Variants in UCK2 observed in about 807,000 individuals in gnomAD.
UCK2 encodes cytidine monophosphokinase 2.
UCK2 carries 6 observed loss-of-function variants against 30.8 expected under a neutral mutation model. The ratio of observed to expected loss-of-function variants is 0.19; its 90% CI spans 0.11 to 0.38. The LOEUF (loss-of-function observed/expected upper bound fraction) is 0.38. Ranked by LOEUF, UCK2 falls within the 10% of genes least tolerant of loss-of-function variation. The pLI is 1.00. For synonymous variants in UCK2, 125 were observed against 133.6 expected, an observed-to-expected ratio of 0.94 and a Z score of 0.45; for missense variants, 210 against 339.8, an observed-to-expected ratio of 0.62 and a Z score of 3.00.
At chr1:165,832,522 G>A (rs916246869) in intron 1 of UCK2, among the ~76,000 whole-genome samples, 1 of 152,200 alleles carries the variant, frequency 6.6e-6, no homozygotes, top group Non-Finnish European at 1.5e-5. Context: ...TCAGGCATGT[G>A]TCTTCCCTAC....
intron 1 of UCK2, among the ~76,000 whole-genome samples, chr1:165,840,756 G>A (rs1013487231): frequency 6.6e-6 from 1 of 152,156 alleles, no homozygotes; most frequent in Non-Finnish European, 1.5e-5. Flanking sequence ...ATCCTTTCCT[G>A]TAGTTAAGTT....
intron 1 of UCK2, among the ~76,000 whole-genome samples, chr1:165,836,169 A>G (rs951210595): frequency 2.6e-5 from 4 of 152,104 alleles, no homozygotes; most frequent in Admixed American, 6.6e-5. Context: ...CAGAGGTTGC[A>G]GTGAGCTGAG....
At chr1:165,846,399 A>G (rs917478188) in intron 1 of UCK2, among the ~76,000 whole-genome samples, 1 of 152,186 alleles carries the variant, frequency 6.6e-6, no homozygotes, top group African/African-American at 2.4e-5. Context: ...GTCTTTTCCT[A>G]GTTTCTATAA....
intron 1 of UCK2, among the ~76,000 whole-genome samples, chr1:165,873,557 C>T (rs1655255555): frequency 6.6e-6 from 1 of 152,074 alleles, no homozygotes; most frequent in African/African-American, 2.4e-5. Flanking sequence ...TCTTCCTGAC[C>T]TTCTCTTTTT....
At chr1:165,857,878 C>G (rs1654791149) in intron 1 of UCK2, among the ~76,000 whole-genome samples, 1 of 152,054 alleles carries the variant, frequency 6.6e-6, no homozygotes, top group Non-Finnish European at 1.5e-5. Flanking sequence ...TTTACTGCAC[C>G]CCATAAAAGG....
chr1:165,842,258 T>G (rs940998876), intron 1 of UCK2, among the ~76,000 whole-genome samples: 1 of 152,168 alleles, frequency 6.6e-6, no homozygotes, highest in Non-Finnish European at 1.5e-5. Flanking sequence ...CCCTGTTTTT[T>G]CCCCCTCCAT....
chr1:165,830,576 C>G (rs947110902), intron 1 of UCK2, among the ~76,000 whole-genome samples: 3 of 151,878 alleles, frequency 2.0e-5, no homozygotes, highest in African/African-American at 7.3e-5. Flanking sequence ...CCGCCCGCCT[C>G]GGCCTCCCAA....
chr1:165,851,424 C>T (rs1654592879), intron 1 of UCK2, among the ~76,000 whole-genome samples: 1 of 152,068 alleles, frequency 6.6e-6, no homozygotes. Flanking sequence ...GTGCCCTCAG[C>T]CCAACCTGAG....
chr1:165,843,715 G>C (rs1654382361), intron 1 of UCK2, among the ~76,000 whole-genome samples: 1 of 152,116 alleles, frequency 6.6e-6, no homozygotes, highest in African/African-American at 2.4e-5. Flanking sequence ...GAGTTTGAGG[G>C]TGACAGATGG....
At chr1:165,877,743 A>G (rs1174579083) in intron 1 of UCK2, among the ~76,000 whole-genome samples, 2 of 152,134 alleles carry the variant, frequency 1.3e-5, no homozygotes, top group Non-Finnish European at 2.9e-5. Context: ...TTGTGTGACT[A>G]TGTTTTCATT....
chr1:165,867,761 T>G (rs1311701127), intron 1 of UCK2, among the ~76,000 whole-genome samples: 1 of 152,214 alleles, frequency 6.6e-6, no homozygotes, highest in African/African-American at 2.4e-5. Flanking sequence ...TCCACTGAAG[T>G]CTTGAACCCC....
At chr1:165,828,175 C>T (rs1159619494) in intron 1 of UCK2, among the ~76,000 whole-genome samples, 1 of 152,052 alleles carries the variant, frequency 6.6e-6, no homozygotes, top group East Asian at 1.9e-4. Context: ...GGCGGGAGTG[C>T]TCCTCCGGCT....
chr1:165,882,786 C>G (rs934575781), intron 1 of UCK2, among the ~76,000 whole-genome samples: 54 of 152,230 alleles, frequency 3.5e-4, no homozygotes, highest in African/African-American at 1.3e-3. Context: ...AGCATTTCAG[C>G]GTGTGAATTT....
At position 165,908,177 on chromosome 1, in the gene UCK2, T is replaced by C. The variant is rs1647737755; in HGVS notation, c.*354T>C. 1.2e-5 allele frequency: 2 copies of C among 163,652 alleles called. No individual in the cohort carries two copies. The highest frequency in any genetic ancestry group is 1.2e-4 in the Admixed American group (2 of 16,778). The allele number at this position is 163,652 out of a possible 1,614,324, so 10.1% of individuals were successfully genotyped here. On this transcript the variant is annotated 3_prime_UTR_variant, in exon 7 of 7. Coordinates refer to ENST00000367879, the MANE Select transcript of UCK2 (RefSeq NM_012474.5). ...CATAAGTATTTTGCAGGAGGGTCTG[T>C]ACTTGAGTGTTTTAGGACTGGAGCT...
chr1:165,846,110 A>G (rs1654441750), intron 1 of UCK2, among the ~76,000 whole-genome samples: 1 of 152,092 alleles, frequency 6.6e-6, no homozygotes, highest in Admixed American at 6.5e-5. Flanking sequence ...TGAGCAACAC[A>G]GTGAGATCTT....
chr1:165,864,427 G>C (rs947266179), intron 1 of UCK2, among the ~76,000 whole-genome samples: 6 of 152,188 alleles, frequency 3.9e-5, no homozygotes, highest in Non-Finnish European at 2.9e-5. Context: ...ATAGGTATCA[G>C]TATATTGTGT....
chr1:165,828,444 C>T (rs1410015467), intron 1 of UCK2, among the ~76,000 whole-genome samples: 2 of 152,196 alleles, frequency 1.3e-5, no homozygotes, highest in Non-Finnish European at 2.9e-5. Flanking sequence ...AGGCGGCATC[C>T]CGGGGAAGGG....
chr1:165,884,660 A>G (rs1294712847), intron 1 of UCK2, among the ~76,000 whole-genome samples: 1 of 152,222 alleles, frequency 6.6e-6, no homozygotes, highest in Non-Finnish European at 1.5e-5. Context: ...AGAGGATTTT[A>G]TGGATTAGCT....
At chr1:165,889,114 A>G (rs1655698347) in intron 1 of UCK2, among the ~76,000 whole-genome samples, 1 of 152,102 alleles carries the variant, frequency 6.6e-6, no homozygotes, top group Non-Finnish European at 1.5e-5. Flanking sequence ...CTTGTTTGGG[A>G]TACTCCTAAG....
Sources: gnomAD v4.1 joint callset for allele counts (sites outside exome capture counted in the v4.1 genomes callset) on GRCh38, gnomAD v4.1.1 for gene constraint, MANE v1.5 for transcripts, NCBI Gene and HGNC (gene_info 2026-07-23, HGNC 2026-07-21) for gene names.